Variants in CNTNAP3B observed in about 807,000 individuals in gnomAD.
CNTNAP3B encodes contactin associated protein family member 3B, also known as contactin-associated protein-like 3B.
CNTNAP3B carries 25 observed loss-of-function variants against 108.9 expected under a neutral mutation model. The ratio of observed to expected loss-of-function variants is 0.23; its 90% CI spans 0.17 to 0.32. The LOEUF (loss-of-function observed/expected upper bound fraction) is 0.32. Ranked by LOEUF, CNTNAP3B falls within the 10% of genes least tolerant of loss-of-function variation. The probability of loss-of-function intolerance (pLI) is 1.00; values close to 1 mark genes in which losing one functional copy is unlikely to be tolerated. For synonymous variants in CNTNAP3B, 103 were observed against 473.4 expected, an observed-to-expected ratio of 0.22 and a Z score of 10.16; for missense variants, 252 against 1,210.4, an observed-to-expected ratio of 0.21 and a Z score of 11.75.
At chr9:41,978,965 A>G (rs1281875748) in intron 9 of CNTNAP3B, among the ~76,000 whole-genome samples, 1 of 143,500 alleles carries the variant, frequency 7.0e-6, no homozygotes, top group African/African-American at 2.7e-5. Flanking sequence ...AATTTTTTTG[A>G]AAAAGGGATT....
At chr9:41,943,837 C>A (rs1824441693) in intron 13 of CNTNAP3B, among the ~76,000 whole-genome samples, 2 of 151,808 alleles carry the variant, frequency 1.3e-5, no homozygotes, top group East Asian at 1.9e-4. Context: ...AGGTTAAATA[C>A]AAAAAAAACC....
intron 12 of CNTNAP3B, among the ~76,000 whole-genome samples, chr9:41,958,578 C>A (rs1824950765): frequency 6.6e-6 from 1 of 151,816 alleles, no homozygotes; most frequent in Non-Finnish European, 1.5e-5. Context: ...TTTAGGGAGC[C>A]TGTGCCTCTG....
chr9:42,116,797 C>A (rs1163255672), intron 1 of CNTNAP3B, among the ~76,000 whole-genome samples: 3 of 138,020 alleles, frequency 2.2e-5, no homozygotes, highest in Admixed American at 1.4e-4. Flanking sequence ...TGCAGAGACA[C>A]ACATAGGCTC....
At chr9:41,943,783 C>T (rs1344275229) in intron 13 of CNTNAP3B, among the ~76,000 whole-genome samples, 1 of 152,232 alleles carries the variant, frequency 6.6e-6, no homozygotes, top group East Asian at 1.9e-4. Context: ...AAATTAATGA[C>T]AGACATGAAA....
chr9:42,115,823 C>A (rs1481572721), intron 1 of CNTNAP3B, among the ~76,000 whole-genome samples: 1 of 121,066 alleles, frequency 8.3e-6, no homozygotes, highest in South Asian at 2.8e-4. Flanking sequence ...TCCAAAGGAA[C>A]ACAACGCCTC....
chr9:42,079,818 C>G (rs143698197), intron 2 of CNTNAP3B, among the ~76,000 whole-genome samples: 1 of 138,054 alleles, frequency 7.2e-6, no homozygotes, highest in Admixed American at 7.2e-5. Context: ...CTGGGCCCAG[C>G]CTATTTTATG....
intron 1 of CNTNAP3B, among the ~76,000 whole-genome samples, chr9:42,125,185 G>C (rs546527584): frequency 7.3e-6 from 1 of 136,518 alleles, no homozygotes; most frequent in Non-Finnish European, 1.6e-5. Flanking sequence ...TCTTGTTCAA[G>C]TTTCACCAAT....
At chr9:41,923,232 C>T (rs1223591844) in intron 16 of CNTNAP3B, among the ~76,000 whole-genome samples, 11 of 145,940 alleles carry the variant, frequency 7.5e-5, no homozygotes, top group South Asian at 4.4e-4. Flanking sequence ...ATTTTATTTA[C>T]AAACGGCTCA....
chr9:42,095,986 A>C (rs1350144735), intron 2 of CNTNAP3B, among the ~76,000 whole-genome samples: 1 of 137,942 alleles, frequency 7.2e-6, no homozygotes, highest in Non-Finnish European at 1.5e-5. Context: ...CGTTTTGGTG[A>C]CCCTTTCTCC....
intron 13 of CNTNAP3B, among the ~76,000 whole-genome samples, chr9:41,952,975 C>G (rs1242934582): frequency 6.6e-6 from 1 of 152,220 alleles, no homozygotes; most frequent in African/African-American, 2.4e-5. Context: ...TGCATATGAA[C>G]GCGCTGAACG....
intron 3 of CNTNAP3B, among the ~76,000 whole-genome samples, chr9:42,029,649 G>A (rs1826476725): frequency 8.1e-6 from 1 of 123,186 alleles, no homozygotes; most frequent in Admixed American, 8.1e-5. Flanking sequence ...TCCTGCCTCA[G>A]CCTCCTGAGT....
chr9:41,955,616 G>A (rs1437790214), intron 12 of CNTNAP3B, among the ~76,000 whole-genome samples: 8 of 152,300 alleles, frequency 5.3e-5, no homozygotes, highest in South Asian at 4.1e-4. Flanking sequence ...CTGCAGCCTC[G>A]ACCTCCTGGG....
At chr9:42,071,257 A>C (rs1249242391) in intron 3 of CNTNAP3B, among the ~76,000 whole-genome samples, 1 of 147,032 alleles carries the variant, frequency 6.8e-6, no homozygotes, top group Non-Finnish European at 1.5e-5. Flanking sequence ...TGTGTGTTCT[A>C]TGCACATTAG....
At chr9:41,944,948 G>A (rs1824480171) in intron 13 of CNTNAP3B, among the ~76,000 whole-genome samples, 1 of 151,428 alleles carries the variant, frequency 6.6e-6, no homozygotes, top group South Asian at 2.1e-4. Flanking sequence ...ATCAAAAAGT[G>A]GGCGAAGTAT....
intron 13 of CNTNAP3B, among the ~76,000 whole-genome samples, chr9:41,943,487 G>A (rs1456769538): frequency 1.3e-5 from 2 of 151,860 alleles, no homozygotes; most frequent in Admixed American, 6.6e-5. Flanking sequence ...CGAGTAGCTG[G>A]GACTACAGGC....
chr9:41,958,889 A>T (rs28627870), intron 12 of CNTNAP3B, among the ~76,000 whole-genome samples: 1 of 128,132 alleles, frequency 7.8e-6, no homozygotes, highest in Non-Finnish European at 1.6e-5. Flanking sequence ...GTGAGAACCC[A>T]GTCAAGCTAG....
At chr9:42,124,177 G>T (rs1272354698) in intron 1 of CNTNAP3B, among the ~76,000 whole-genome samples, 1 of 136,110 alleles carries the variant, frequency 7.3e-6, no homozygotes, top group Non-Finnish European at 1.6e-5. Context: ...AATGTTTTTA[G>T]ATTTCAATCA....
Position 42,076,316 on chromosome 9 carries a change from C to T in CNTNAP3B, c.390+553G>A, listed in dbSNP as rs1433774755. 1.6e-5 allele frequency among the ~76,000 whole-genome samples: 2 copies of T among 125,748 alleles called. 1 individual carries two copies. The highest frequency in any genetic ancestry group is 6.6e-5 in the African/African-American group (2 of 30,464). The allele number at this position is 125,748 out of a possible 152,430, so 82.5% of individuals were successfully genotyped here. Reference sequence around the variant, plus strand: ...TGGCACATGCCTGTAGTCCCAGCTACTAAGGAGGCTGATGCAGAAGAATTG... The same window carrying T: ...TGGCACATGCCTGTAGTCCCAGCTATTAAGGAGGCTGATGCAGAAGAATTG... On this transcript the variant is annotated intron_variant, in intron 3 of 23. Transcript: ENST00000377561.
At chr9:42,120,013 G>T (rs1378709218) in intron 1 of CNTNAP3B, among the ~76,000 whole-genome samples, 22 of 148,066 alleles carry the variant, frequency 1.5e-4, no homozygotes, top group Admixed American at 1.1e-3. Flanking sequence ...CAGAGCAAAA[G>T]AAACTACCAT....
Sources: allele counts gnomAD v4.1 joint callset (sites outside exome capture counted in the v4.1 genomes callset), GRCh38; gene constraint gnomAD v4.1.1; transcripts MANE v1.5; gene names NCBI Gene and HGNC (gene_info 2026-07-23, HGNC 2026-07-21).